ABCC8: variants seen among roughly 807,000 people sequenced by gnomAD.
ABCC8 encodes the protein ATP binding cassette subfamily C member 8.
A neutral mutation model predicts 188.0 loss-of-function variants in ABCC8; 137 were observed. That is an observed-to-expected ratio of 0.73 (90% CI 0.63 to 0.84). The LOEUF (loss-of-function observed/expected upper bound fraction) is 0.84. Among genes scored for constraint, ABCC8 ranks in the 40% least tolerant of loss-of-function variants. The pLI, the probability that ABCC8 is intolerant of heterozygous loss-of-function variation, is 0.00. For synonymous variants in ABCC8, 797 were observed against 846.5 expected, an observed-to-expected ratio of 0.94 and a Z score of 1.01; for missense variants, 1,750 against 2,072.7, an observed-to-expected ratio of 0.84 and a Z score of 3.02.
intron 8 of ABCC8, chr11:17,448,174 T>C: frequency 3.0e-6 from 1 of 328,268 alleles, no homozygotes; most frequent in Non-Finnish European, 5.8e-6. Flanking sequence ...AGTCTTGAAC[T>C]CCTGTGCTCA....
At position 17,420,079 on chromosome 11, in the gene ABCC8, C is replaced by G. The variant is rs190775214; in HGVS notation, c.2223-3117G>C. On this transcript the variant is annotated intron_variant, in intron 16 of 38. Coordinates refer to ENST00000389817, the MANE Select transcript of ABCC8 (RefSeq NM_000352.6). Reference sequence around the variant, plus strand: ...AGGCAGAGGGAGAATCAGATACCCCCAACACTCATTTAAGACCCCGGCAAT... The same window carrying G: ...AGGCAGAGGGAGAATCAGATACCCCGAACACTCATTTAAGACCCCGGCAAT... Among the ~76,000 whole-genome samples the G allele has an allele frequency of 2.2e-3, 330 of 152,258 alleles. 1 individual carries two copies. Among genetic ancestry groups the G allele is most frequent in the Non-Finnish European group, 3.5e-3 (241 of 68,030 alleles).
intron 3 of ABCC8, among the ~76,000 whole-genome samples, chr11:17,469,823 C>T (rs1041338901): frequency 2.0e-5 from 3 of 152,152 alleles, no homozygotes; most frequent in African/African-American, 7.2e-5. Flanking sequence ...CCTGACCATC[C>T]TGTGTAGATA....
At chr11:17,463,080 C>T (rs1847923854) in intron 4 of ABCC8, among the ~76,000 whole-genome samples, 1 of 152,132 alleles carries the variant, frequency 6.6e-6, no homozygotes, top group South Asian at 2.1e-4. Context: ...CATTCATTTA[C>T]CAGCGTGACG....
intron 1 of ABCC8, among the ~76,000 whole-genome samples, chr11:17,475,252 CTG>C (rs1848697423): frequency 6.6e-6 from 1 of 152,218 alleles, no homozygotes; most frequent in Admixed American, 6.5e-5. Flanking sequence ...GGGTCTTGCT[CTG>C]TTGCCTCTGC....
At chr11:17,431,097 C>A in intron 11 of ABCC8, 138 bp from the exon 12 acceptor site, 1 of 1,343,796 alleles carries the variant, frequency 7.4e-7, no homozygotes, top group Non-Finnish European at 1.0e-6. Flanking sequence ...GTTGGAGACA[C>A]CTTCATCATC....
Position 17,398,437 on chromosome 11 carries a change from CAT to C in ABCC8, c.3653_3654del (p.Tyr1218Ter), listed in dbSNP as rs1564880594. 6.2e-7 allele frequency: 1 copy of C among 1,614,114 alleles called. No individual in the cohort carries two copies. Among genetic ancestry groups the C allele is most frequent in the South Asian group, 1.1e-5 (1 of 91,076 alleles). On this transcript the variant is annotated frameshift_variant and splice_region_variant, in exon 30 of 39. Coordinates refer to ENST00000389817, the MANE Select transcript of ABCC8 (RefSeq NM_000352.6). LOFTEE classifies it high-confidence loss of function. ...EGLTTIRAFRYEARFQQKLLE... is the reference protein window; with the variant it reads ...EGLTTIRAFRXEARFQQKLLE... ...AGAAGCTTCTGCTGGAACCGGGCCTCATACCTGGAGGGAGGATGAGAAGCTCC... is the reference window on the plus strand; with the variant it reads ...AGAAGCTTCTGCTGGAACCGGGCCTCACCTGGAGGGAGGATGAGAAGCTCC...
At chr11:17,452,212 C>T (rs1301403105) in intron 7 of ABCC8, among the ~76,000 whole-genome samples, 1 of 152,220 alleles carries the variant, frequency 6.6e-6, no homozygotes, top group African/African-American at 2.4e-5. Flanking sequence ...TGAACACTCC[C>T]TGGCTTTGAT....
At chr11:17,405,593 A>G (rs902109662) in intron 26 of ABCC8, 30 bp from the exon 27 acceptor site, 1 of 1,614,050 alleles carries the variant, frequency 6.2e-7, no homozygotes, top group Non-Finnish European at 8.5e-7. Context: ...AGAGTTACTC[A>G]TTTGTCCATT....
At chr11:17,393,967 G>A (rs1953768062) in intron 37 of ABCC8, 1 of 634,434 alleles carries the variant, frequency 1.6e-6, no homozygotes, top group East Asian at 1.4e-4. Context: ...GTGTATGTAG[G>A]TTGTGGTTGT....
chr11:17,422,578 C>G (rs1023067021), intron 16 of ABCC8, among the ~76,000 whole-genome samples: 1 of 152,188 alleles, frequency 6.6e-6, no homozygotes, highest in Non-Finnish European at 1.5e-5. Context: ...CAGTACCTAC[C>G]TCTCTTCTTG....
At chr11:17,415,860 C>A (rs1289614614) in intron 17 of ABCC8, among the ~76,000 whole-genome samples, 2 of 152,198 alleles carry the variant, frequency 1.3e-5, no homozygotes, top group Non-Finnish European at 2.9e-5. Flanking sequence ...TCTGCAGCCC[C>A]ATATGGCCCC....
At chr11:17,463,639 T>G (rs1847968116) in intron 3 of ABCC8, 35 bp from the exon 4 acceptor site, 4 of 1,555,540 alleles carry the variant, frequency 2.6e-6, no homozygotes, top group Non-Finnish European at 3.5e-6. Context: ...CAGAGACGTG[T>G]GTGCATCATG....
chr11:17,417,137 C>G, intron 16 of ABCC8, 175 bp from the exon 17 acceptor site: 1 of 878,110 alleles, frequency 1.1e-6, no homozygotes, highest in Non-Finnish European at 1.4e-6. Flanking sequence ...CTCTGTCCCT[C>G]CCACAGCACC....
intron 6 of ABCC8, among the ~76,000 whole-genome samples, chr11:17,454,276 C>A (rs566072435): frequency 6.6e-6 from 1 of 152,194 alleles, no homozygotes; most frequent in Non-Finnish European, 1.5e-5. Context: ...GATCTTGGAT[C>A]AGAGCTTCCT....
In ABCC8 at chr11:17,406,653, GGCTGCGGTGC is replaced by G; in HGVS notation, c.3288_3297del (p.His1097CysfsTer2). 3 of 1,614,226 alleles carry G rather than the reference GGCTGCGGTGC, an allele frequency of 1.9e-6. No individual in the cohort carries two copies. The South Asian group carries it at 3.3e-5, about 18-fold the overall frequency. On this transcript the variant is annotated frameshift_variant, in exon 26 of 39. Transcript: ENST00000389817. LOFTEE classifies it high-confidence loss of function. ...GGGGCTAGGATGATCCGGTTTAGCA[GGCTGCGGTGC>G]AGTCTCTTGGCCACCTTCAGCCCTG... is the stretch of plus-strand genomic sequence containing the variant.
intron 21 of ABCC8, among the ~76,000 whole-genome samples, chr11:17,411,335 A>G (rs1591756658): frequency 6.6e-6 from 1 of 152,200 alleles, no homozygotes; most frequent in Non-Finnish European, 1.5e-5. Flanking sequence ...CACAGAGTAG[A>G]CGCTTCATAA....
intron 16 of ABCC8, among the ~76,000 whole-genome samples, chr11:17,422,571 T>C (rs1036396123): frequency 8.5e-5 from 13 of 152,234 alleles, no homozygotes; most frequent in Admixed American, 2.0e-4. Context: ...CCTAACCCAG[T>C]ACCTACCTCT....
intron 12 of ABCC8, 187 bp from the exon 13 acceptor site, chr11:17,428,857 G>T: frequency 1.8e-6 from 2 of 1,097,718 alleles, no homozygotes; most frequent in Non-Finnish European, 2.5e-6. Flanking sequence ...GTTTGCTAGG[G>T]TTGACCAGTC....
At position 17,404,322 on chromosome 11, in the gene ABCC8, G is replaced by A. The variant is rs190936551; in HGVS notation, c.3557+190C>T. On this transcript the variant is annotated intron_variant, in intron 28 of 38. Coordinates refer to ENST00000389817, the MANE Select transcript of ABCC8 (RefSeq NM_000352.6). This position sits in a 1 kb window ranked among gnomAD's most constrained non-coding sequence, Gnocchi z 4.7. ...TTCAGATGTCAACCTCAGTGTGTGC[G>A]TGTGTTGGCAGACTATTATATTAGG... 3.7e-4 allele frequency among the ~76,000 whole-genome samples: 56 copies of A among 152,336 alleles called. No homozygotes were observed. Among genetic ancestry groups the A allele is most frequent in the Admixed American group, 3.4e-3 (52 of 15,302 alleles).
Sources: gnomAD v4.1 joint callset for allele counts (sites outside exome capture counted in the v4.1 genomes callset) on GRCh38, gnomAD v4.1.1 for gene constraint, Gnocchi (gnomAD v3.1) non-coding constraint, MANE v1.5 for transcripts, NCBI Gene and HGNC (gene_info 2026-07-23, HGNC 2026-07-21) for gene names.